The following ZNF569 variants were observed in gnomAD, a reference collection of about 807,000 sequenced individuals.
ZNF569 encodes zinc finger protein 569.
ZNF569 carries 38 observed loss-of-function variants against 56.3 expected under a neutral mutation model. The ratio of observed to expected loss-of-function variants is 0.68; its 90% CI spans 0.52 to 0.88. The LOEUF (loss-of-function observed/expected upper bound fraction) is 0.88, where lower values mean the gene tolerates loss of function less well. Ranked by LOEUF, ZNF569 falls within the 40% of genes least tolerant of loss-of-function variation. The pLI, the probability that ZNF569 is intolerant of heterozygous loss-of-function variation, is 0.00. For missense variants in ZNF569, 666 were observed against 809.2 expected (o/e 0.82, Z 2.15); for synonymous variants, 241 against 262.9 (o/e 0.92, Z 0.81).
At chr19:37,443,137 A>T (rs2041435061) in intron 3 of ZNF569, among the ~76,000 whole-genome samples, 1 of 152,186 alleles carries the variant, frequency 6.6e-6, no homozygotes, top group Admixed American at 6.5e-5. Context: ...ACCCGAGGTC[A>T]GGAGTTGGAG....
intron 2 of ZNF569, among the ~76,000 whole-genome samples, chr19:37,464,650 G>T (rs184976762): frequency 3.9e-5 from 6 of 152,198 alleles, no homozygotes; most frequent in Non-Finnish European, 8.8e-5. Context: ...GCCTAGGTTT[G>T]CAGGAGGCTA....
intron 2 of ZNF569, among the ~76,000 whole-genome samples, chr19:37,464,784 C>T (rs561586595): frequency 2.6e-5 from 4 of 152,348 alleles, no homozygotes; most frequent in African/African-American, 9.6e-5. Context: ...TAATTGGTCT[C>T]TGTGCTTCTT....
intron 5 of ZNF569, among the ~76,000 whole-genome samples, chr19:37,416,452 G>C (rs1035036494): frequency 7.2e-5 from 11 of 152,000 alleles, no homozygotes; most frequent in African/African-American, 2.4e-4. Flanking sequence ...TATCTATTGG[G>C]GACTGGTTCC....
chr19:37,446,375 C>T (rs2041494617), intron 2 of ZNF569, among the ~76,000 whole-genome samples: 1 of 151,872 alleles, frequency 6.6e-6, no homozygotes, highest in South Asian at 2.1e-4. Context: ...CAGTGAAACC[C>T]CGTCTCTACT....
intron 2 of ZNF569, among the ~76,000 whole-genome samples, chr19:37,448,201 G>A (rs1476253252): frequency 6.6e-6 from 1 of 152,038 alleles, no homozygotes; most frequent in African/African-American, 2.4e-5. Context: ...AAATTATCTG[G>A]GTGTGGAGTT....
At chr19:37,469,261 G>A, upstream of ZNF569, 13 of 1,395,864 alleles carry the variant, frequency 9.3e-6, no homozygotes, top group Non-Finnish European at 1.2e-5. Context: ...GCGACGCCGC[G>A]ACCTTTTCTA....
intron 2 of ZNF569, among the ~76,000 whole-genome samples, chr19:37,448,938 G>C (rs145547748): frequency 6.6e-6 from 1 of 152,046 alleles, no homozygotes; most frequent in Non-Finnish European, 1.5e-5. Context: ...GTGTAGTAAT[G>C]ATTTTTCTAA....
chr19:37,444,930 C>T lies in ZNF569; in HGVS notation c.-9G>A. On this transcript the variant is annotated 5_prime_UTR_variant, in exon 3 of 6. Coordinates refer to ENST00000316950, the MANE Select transcript of ZNF569 (RefSeq NM_152484.3). ...ACCTGGGACTCAGTCATTTCCTCTT[C>T]TTTCTGGGAAGGGATGGGGCCTGCA... 6.2e-7 allele frequency: 1 copy of T among 1,608,662 alleles called. No homozygotes were observed.
At chr19:37,445,601 C>T (rs531536866) in intron 2 of ZNF569, among the ~76,000 whole-genome samples, 1 of 152,268 alleles carries the variant, frequency 6.6e-6, no homozygotes, top group East Asian at 1.9e-4. Context: ...TCAGCAGTTT[C>T]AGGACACAAA....
Position 37,413,969 on chromosome 19 carries a change from A to ATAAG in ZNF569, c.685_688dup (p.Ile230ThrfsTer3). On this transcript the variant is annotated frameshift_variant, in exon 6 of 6. Transcript: ENST00000316950. LOFTEE classifies it high-confidence loss of function. The stretch of plus-strand genomic sequence containing the variant: ...CCTACTGTGAATTTTATAATGTTTA[A>ATAAG]TAAGTTTTTCCTTGTGACTGAAGGC... 6.2e-7 allele frequency: 1 copy of ATAAG among 1,613,512 alleles called. No individual in the cohort carries two copies. The highest frequency in any genetic ancestry group is 8.5e-7 in the Non-Finnish European group (1 of 1,179,906).
upstream of ZNF569, chr19:37,469,205 C>G: frequency 3.1e-6 from 4 of 1,283,136 alleles, no homozygotes; most frequent in Non-Finnish European, 4.0e-6. Flanking sequence ...GGGAGGAGGC[C>G]GTGTTACAAA....
intron 2 of ZNF569, among the ~76,000 whole-genome samples, chr19:37,447,675 C>T (rs958302822): frequency 3.3e-5 from 5 of 151,982 alleles, no homozygotes; most frequent in African/African-American, 9.7e-5. Context: ...TGCATTGTTC[C>T]CAGTCTTAGA....
intron 5 of ZNF569, among the ~76,000 whole-genome samples, chr19:37,415,035 GT>G (rs1047515249): frequency 1.3e-4 from 20 of 152,164 alleles, no homozygotes; most frequent in Admixed American, 9.2e-4. Context: ...AATTCCTGAT[GT>G]TTTTGTGTAT....
At chr19:37,426,221 G>C (rs981770995) in intron 4 of ZNF569, 31 bp downstream of exon 4, 4 of 1,576,664 alleles carry the variant, frequency 2.5e-6, no homozygotes, top group Non-Finnish European at 3.4e-6. Flanking sequence ...TTTCTTTCCA[G>C]AGTTTGAATT....
intron 3 of ZNF569, among the ~76,000 whole-genome samples, chr19:37,438,392 C>T (rs948564473): frequency 3.9e-5 from 6 of 151,970 alleles, no homozygotes; most frequent in Non-Finnish European, 7.4e-5. Flanking sequence ...TCACAAACAG[C>T]GACAACAAAG....
At chr19:37,468,180 G>C (rs967578209), upstream of ZNF569, 5 of 539,980 alleles carry the variant, frequency 9.3e-6, no homozygotes, top group Non-Finnish European at 1.6e-5. Context: ...TCGAACTCCC[G>C]GGCTCAAGCG....
chr19:37,447,542 T>C (rs1193157843), intron 2 of ZNF569, among the ~76,000 whole-genome samples: 1 of 152,210 alleles, frequency 6.6e-6, no homozygotes, highest in Non-Finnish European at 1.5e-5. Flanking sequence ...TGTCTGCAAA[T>C]AGAAACAGTT....
At chr19:37,423,650 A>G (rs1166563246) in intron 5 of ZNF569, among the ~76,000 whole-genome samples, 2 of 152,240 alleles carry the variant, frequency 1.3e-5, no homozygotes, top group Non-Finnish European at 2.9e-5. Flanking sequence ...CAAGAAAAAC[A>G]TATGACAGAT....
chr19:37,460,110 T>C (rs147584999), intron 2 of ZNF569, among the ~76,000 whole-genome samples: 1,595 of 152,150 alleles, frequency 0.01, 11 homozygotes, highest in Non-Finnish European at 0.016. Context: ...GCTAGGAAGA[T>C]GGTAGTGAGC....
Sources: allele counts gnomAD v4.1 joint callset (sites outside exome capture counted in the v4.1 genomes callset), GRCh38; gene constraint gnomAD v4.1.1; transcripts MANE v1.5; gene names NCBI Gene and HGNC (gene_info 2026-07-23, HGNC 2026-07-21).